The following NCOA3 variants were observed in gnomAD, a reference collection of about 807,000 sequenced individuals.
The protein encoded by NCOA3 is CBP-interacting protein.
Under a neutral mutation model 158.8 loss-of-function variants are expected in NCOA3, and 51 were observed. The ratio of observed to expected loss-of-function variants is 0.32; its 90% CI spans 0.26 to 0.41. The LOEUF is 0.41. NCOA3 is among the 10% of genes least tolerant of loss of function. The pLI is 1.00. For missense variants in NCOA3, 1,510 were observed against 1,746.6 expected (o/e 0.86, Z 2.41); for synonymous variants, 537 against 592.4 (o/e 0.91, Z 1.36).
chr20:47,537,571 G>GT (rs1334372575), intron 1 of NCOA3, among the ~76,000 whole-genome samples: 1 of 151,410 alleles, frequency 6.6e-6, no homozygotes, highest in Non-Finnish European at 1.5e-5. Context: ...AAACCAAGGG[G>GT]TTTACATAGG....
chr20:47,536,805 CTTTTTT>C (rs1227796813), intron 1 of NCOA3, among the ~76,000 whole-genome samples: 1 of 129,730 alleles, frequency 7.7e-6, no homozygotes, highest in Admixed American at 7.8e-5. Context: ...CTGTTTTTTT[CTTTTTT>C]TTTTTTTTTT....
chr20:47,635,237 A>T (rs957679553), intron 10 of NCOA3, 85 bp from the exon 11 acceptor site: 20 of 1,378,018 alleles, frequency 1.5e-5, no homozygotes, highest in Non-Finnish European at 1.8e-5. Flanking sequence ...CTGGTTTTTT[A>T]AAATTTTATT....
intron 1 of NCOA3, among the ~76,000 whole-genome samples, chr20:47,532,110 T>TTTGTGTGTGTGTGTG (rs3221450): frequency 3.4e-5 from 5 of 147,512 alleles, no homozygotes; most frequent in African/African-American, 1.3e-4. Flanking sequence ...AGGGGGGGAC[T>TTTGTGTGTGTGTGTG]TGTGTGTGTG....
At chr20:47,539,303 G>A (rs538390331) in intron 1 of NCOA3, among the ~76,000 whole-genome samples, 2 of 152,244 alleles carry the variant, frequency 1.3e-5, no homozygotes, top group South Asian at 2.1e-4. Flanking sequence ...TCATACCATC[G>A]TACTATATGT....
intron 2 of NCOA3, among the ~76,000 whole-genome samples, chr20:47,618,403 G>T (rs780594288): frequency 1.4e-5 from 2 of 140,948 alleles, no homozygotes; most frequent in African/African-American, 2.7e-5. Flanking sequence ...GCCTAGGCTG[G>T]AGTGCCAATG....
intron 2 of NCOA3, among the ~76,000 whole-genome samples, chr20:47,586,999 C>A (rs1000945940): frequency 1.3e-5 from 2 of 152,178 alleles, no homozygotes; most frequent in African/African-American, 4.8e-5. Context: ...TGTGGGGAAA[C>A]AATGCAGATA....
chr20:47,639,770 C>A lies in NCOA3; in HGVS notation c.2901C>A (p.Ser967Arg), dbSNP rs763507822. The change falls in exon 15 of 23, where the codon AGC becomes AGA. Residue 967 changes from serine (S) to arginine (R), a missense_variant. Ser to Arg is a moderately radical substitution (Grantham distance 110). Transcript: ENST00000371998. ...CCACATTGCCTCTTCGGTCTAATAG[C>A]ATACCAGGTGCGAGACCAGTATTGC... Reference protein sequence around the residue: ...SIPTLPLRSNSIPGARPVLQQ... With the variant: ...SIPTLPLRSNRIPGARPVLQQ... The A allele has an allele frequency of 3.1e-6, 5 of 1,614,212 alleles. No homozygotes were observed. The highest frequency in any genetic ancestry group is 4.2e-6 in the Non-Finnish European group (5 of 1,180,032).
intron 2 of NCOA3, among the ~76,000 whole-genome samples, chr20:47,616,977 C>T (rs946985710): frequency 6.6e-6 from 1 of 151,904 alleles, no homozygotes; most frequent in African/African-American, 2.4e-5. Flanking sequence ...CTTTTTTAGA[C>T]GGAGTCTCAC....
intron 9 of NCOA3, 41 bp downstream of exon 9, chr20:47,633,677 T>A (rs746392909): frequency 2.3e-5 from 36 of 1,590,684 alleles, no homozygotes; most frequent in Middle Eastern, 1.7e-4. Context: ...CATTTTATTC[T>A]TTAGAGACAG....
Position 47,625,418 on chromosome 20 carries a change from CGATGTA to C in NCOA3, c.295_300del (p.Asp99_Val100del). 1 of 1,613,580 alleles carries C rather than the reference CGATGTA, an allele frequency of 6.2e-7. No homozygotes were observed. Among genetic ancestry groups the C allele is most frequent in the Non-Finnish European group, 8.5e-7 (1 of 1,179,734 alleles). On this transcript the variant is annotated inframe_deletion, in exon 5 of 23. Transcript: ENST00000371998. ...CCAATGATGATGATGTTCAAAAAGC[CGATGTA>C]TCTTCTACAGGGCAGGGAGTTATTG...
At chr20:47,582,349 C>T (rs926858504) in intron 1 of NCOA3, among the ~76,000 whole-genome samples, 10 of 152,026 alleles carry the variant, frequency 6.6e-5, no homozygotes, top group Non-Finnish European at 1.2e-4. Flanking sequence ...AGTAGCTGGA[C>T]TACAGGCGCA....
intron 3 of NCOA3, among the ~76,000 whole-genome samples, chr20:47,623,427 T>C (rs1327770874): frequency 2.0e-5 from 3 of 152,236 alleles, no homozygotes; most frequent in South Asian, 4.1e-4. Flanking sequence ...ATCTCTATTA[T>C]GTTGTACTAC....
intron 2 of NCOA3, among the ~76,000 whole-genome samples, chr20:47,596,682 C>G (rs1270456400): frequency 2.6e-5 from 4 of 152,150 alleles, no homozygotes; most frequent in African/African-American, 9.7e-5. Context: ...GCCGCCCAGT[C>G]TCAAGCGATA....
chr20:47,635,742 T>C, intron 11 of NCOA3, 29 bp downstream of exon 11: 1 of 1,571,324 alleles, frequency 6.4e-7, no homozygotes, highest in East Asian at 2.2e-5. Flanking sequence ...CCTTTTATTT[T>C]TTTTCTTTTT....
chr20:47,542,148 A>C (rs1268358816), intron 1 of NCOA3, among the ~76,000 whole-genome samples: 1 of 150,422 alleles, frequency 6.6e-6, no homozygotes, highest in Admixed American at 6.7e-5. Context: ...CTCCCACCTC[A>C]GCCTCCCAAG....
intron 1 of NCOA3, among the ~76,000 whole-genome samples, chr20:47,507,060 G>A (rs1038889288): frequency 1.3e-5 from 2 of 152,266 alleles, no homozygotes; most frequent in African/African-American, 4.8e-5. Flanking sequence ...TATGGCAGCT[G>A]AGTTGGCGTG....
chr20:47,634,298 A>G (rs2086473344), intron 10 of NCOA3, 103 bp downstream of exon 10: 4 of 1,180,820 alleles, frequency 3.4e-6, no homozygotes, highest in Non-Finnish European at 4.8e-6. Flanking sequence ...GACAAAATTT[A>G]GGAAGGTTAT....
chr20:47,551,259 G>T (rs1011875601), intron 1 of NCOA3, among the ~76,000 whole-genome samples: 1 of 152,140 alleles, frequency 6.6e-6, no homozygotes, highest in Non-Finnish European at 1.5e-5. Flanking sequence ...ATGTCAACTT[G>T]CAAATGTTCT....
intron 1 of NCOA3, among the ~76,000 whole-genome samples, chr20:47,504,363 G>A (rs944411653): frequency 8.6e-5 from 13 of 151,928 alleles, no homozygotes; most frequent in African/African-American, 2.9e-4. Context: ...TTTTCTAGGC[G>A]ATATGCAAAT....
Sources: allele counts gnomAD v4.1 joint callset (sites outside exome capture counted in the v4.1 genomes callset), GRCh38; gene constraint gnomAD v4.1.1; transcripts MANE v1.5; gene names NCBI Gene and HGNC (gene_info 2026-07-23, HGNC 2026-07-21).